The following CSMD1 variants were observed in gnomAD, a reference collection of about 807,000 sequenced individuals.
CSMD1 encodes CUB and Sushi multiple domains 1, also known as CUB and sushi domain-containing protein 1.
CSMD1 carries 213 observed loss-of-function variants against 417.5 expected under a neutral mutation model. That is an observed-to-expected ratio of 0.51 (90% confidence interval 0.46 to 0.57). The LOEUF is 0.57. Among genes scored for constraint, CSMD1 ranks in the 20% least tolerant of loss-of-function variants. The pLI, the probability that CSMD1 is intolerant of heterozygous loss-of-function variation, is 0.00. For missense variants in CSMD1, 6,923 were observed against 4,529.7 expected (o/e 1.53, Z -15.17); for synonymous variants, 2,862 against 1,736.8 (o/e 1.65, Z -16.11).
At chr8:3,398,109 C>A (rs1395846156) in intron 16 of CSMD1, among the ~76,000 whole-genome samples, 4 of 152,096 alleles carry the variant, frequency 2.6e-5, no homozygotes, top group Admixed American at 6.5e-5. Context: ...CTTCAGGCAA[C>A]TGAAAATAGA....
intron 5 of CSMD1, among the ~76,000 whole-genome samples, chr8:3,949,249 T>C (rs930940586): frequency 5.9e-5 from 9 of 152,168 alleles, no homozygotes; most frequent in African/African-American, 1.7e-4. Flanking sequence ...AAAAATACAA[T>C]ATAATGTTAT....
intron 5 of CSMD1, among the ~76,000 whole-genome samples, chr8:3,786,750 T>C (rs932477084): frequency 2.6e-5 from 4 of 152,188 alleles, no homozygotes; most frequent in African/African-American, 9.7e-5. Context: ...TGATGAGAAC[T>C]TTCTTTCAAG....
rs1234895183 is a variant in CSMD1 at position 3,272,868 on chromosome 8, C to T, written c.4153+11276G>A. ...GGGTTTTCCAGATATACAATCATGT[C>T]GTCTGCAAACAGGGACAATTTGACT... is the stretch of plus-strand genomic sequence containing the variant. On this transcript the variant is annotated intron_variant, in intron 26 of 69. Coordinates refer to ENST00000635120, the MANE Select transcript of CSMD1 (RefSeq NM_033225.6). Among the ~76,000 whole-genome samples, 29 of 150,390 alleles carry T rather than the reference C, an allele frequency of 1.9e-4. No homozygotes were observed. In the South Asian group the frequency reaches 4.7e-3, roughly 24 times the overall value.
At chr8:4,819,508 T>C (rs149792505) in intron 1 of CSMD1, among the ~76,000 whole-genome samples, 1 of 152,314 alleles carries the variant, frequency 6.6e-6, no homozygotes, top group Non-Finnish European at 1.5e-5. Context: ...GGACCCTATA[T>C]TAATTCTGAT....
intron 51 of CSMD1, among the ~76,000 whole-genome samples, chr8:3,021,552 C>G (rs1809394106): frequency 6.6e-6 from 1 of 152,234 alleles, no homozygotes; most frequent in South Asian, 2.1e-4. Flanking sequence ...TGTCCACGCT[C>G]ACAGTCCGCA....
At chr8:3,766,434 G>T (rs944915857) in intron 5 of CSMD1, among the ~76,000 whole-genome samples, 3 of 152,124 alleles carry the variant, frequency 2.0e-5, no homozygotes, top group Admixed American at 6.5e-5. Context: ...TGGTACCTGG[G>T]TTACTACTGT....
chr8:2,945,027 T>A (rs1345164282), intron 68 of CSMD1, among the ~76,000 whole-genome samples: 12 of 152,048 alleles, frequency 7.9e-5, no homozygotes, highest in Admixed American at 7.9e-4. Context: ...ATCACATGCC[T>A]GCAGCTCCTA....
chr8:3,964,154 G>C (rs977797032), intron 5 of CSMD1, among the ~76,000 whole-genome samples: 3 of 152,130 alleles, frequency 2.0e-5, no homozygotes, highest in Non-Finnish European at 4.4e-5. Flanking sequence ...AGAGGGTGAA[G>C]ACCAATTTTC....
At chr8:3,920,902 A>G (rs948304582) in intron 5 of CSMD1, among the ~76,000 whole-genome samples, 19 of 152,088 alleles carry the variant, frequency 1.2e-4, no homozygotes, top group East Asian at 7.7e-4. Context: ...TTTTGCATCT[A>G]TTTTGATTAC....
At chr8:3,800,956 A>G (rs1018458799) in intron 5 of CSMD1, among the ~76,000 whole-genome samples, 4 of 152,188 alleles carry the variant, frequency 2.6e-5, no homozygotes, top group African/African-American at 9.6e-5. Context: ...TATTCCTTTT[A>G]TCACAACACA....
intron 26 of CSMD1, among the ~76,000 whole-genome samples, chr8:3,270,127 G>A (rs1801733496): frequency 1.3e-5 from 1 of 74,324 alleles, no homozygotes; most frequent in Non-Finnish European, 2.6e-5. Context: ...TTGGCCCACT[G>A]CAACCTCTGC....
At chr8:4,915,144 A>T (rs1477533234) in intron 1 of CSMD1, among the ~76,000 whole-genome samples, 3 of 152,208 alleles carry the variant, frequency 2.0e-5, no homozygotes, top group Non-Finnish European at 4.4e-5. Context: ...AAGAAAATGG[A>T]ATACGCATGC....
At chr8:3,596,285 T>A (rs1417169628) in intron 8 of CSMD1, among the ~76,000 whole-genome samples, 1 of 152,064 alleles carries the variant, frequency 6.6e-6, no homozygotes, top group Non-Finnish European at 1.5e-5. Context: ...CAGACATGAG[T>A]TTGTTTTACT....
chr8:4,687,088 A>G (rs527378201), intron 1 of CSMD1, among the ~76,000 whole-genome samples: 1 of 152,196 alleles, frequency 6.6e-6, no homozygotes, highest in Non-Finnish European at 1.5e-5. Flanking sequence ...GCCCCTGTGC[A>G]GGCTAACTCT....
chr8:3,376,300 A>C (rs1040594750), intron 18 of CSMD1, among the ~76,000 whole-genome samples: 4 of 152,122 alleles, frequency 2.6e-5, no homozygotes, highest in African/African-American at 9.6e-5. Context: ...AGGGTAACCA[A>C]TAATACTTTT....
At chr8:4,285,394 G>T (rs1475073692) in intron 3 of CSMD1, among the ~76,000 whole-genome samples, 1 of 152,146 alleles carries the variant, frequency 6.6e-6, no homozygotes, top group Non-Finnish European at 1.5e-5. Flanking sequence ...ATGAATTTGT[G>T]GCCATGAATC....
At chr8:2,967,010 G>C (rs977909276) in intron 57 of CSMD1, among the ~76,000 whole-genome samples, 2 of 152,146 alleles carry the variant, frequency 1.3e-5, no homozygotes, top group Non-Finnish European at 2.9e-5. Context: ...ATGAGTTAAA[G>C]CACTAAAAGT....
chr8:4,311,381 T>C (rs956077984), intron 3 of CSMD1, among the ~76,000 whole-genome samples: 2 of 152,272 alleles, frequency 1.3e-5, no homozygotes, highest in Admixed American at 6.5e-5. Flanking sequence ...CCATTATTCT[T>C]GGCAAACTAA....
chr8:4,905,834 AG>A lies in CSMD1; in HGVS notation c.85+88497del, dbSNP rs66751070. Among the ~76,000 whole-genome samples, 24 of 141,700 alleles carry A rather than the reference AG, an allele frequency of 1.7e-4. 1 individual carries two copies. The highest frequency in any genetic ancestry group is 1.2e-3 in the Admixed American group (17 of 14,222). The allele number at this position is 141,700 out of a possible 152,430, so 93.0% of individuals were successfully genotyped here. On this transcript the variant is annotated intron_variant, in intron 1 of 69. Coordinates refer to ENST00000635120, the MANE Select transcript of CSMD1 (RefSeq NM_033225.6). ...GACTCCATCTCAAAAAAAAAAAAAA[AG>A]AAAAAAAGAAAAAGTAAAAAAGAAA... is the stretch of plus-strand genomic sequence containing the variant.
Sources: allele counts gnomAD v4.1 joint callset (sites outside exome capture counted in the v4.1 genomes callset), GRCh38; gene constraint gnomAD v4.1.1; transcripts MANE v1.5; gene names NCBI Gene and HGNC (gene_info 2026-07-23, HGNC 2026-07-21).